ARHGEF37: variants seen among roughly 807,000 people sequenced by gnomAD.
The protein encoded by ARHGEF37 is Rho guanine nucleotide exchange factor (GEF) 37.
Under a neutral mutation model 71.1 loss-of-function variants are expected in ARHGEF37, and 55 were observed. The ratio of observed to expected loss-of-function variants is 0.77; its 90% confidence interval spans 0.62 to 0.97. The LOEUF is 0.97. ARHGEF37 is among the 50% of genes least tolerant of loss of function. ARHGEF37 has a pLI of 0.00. For missense variants in ARHGEF37, 765 were observed against 836.8 expected (o/e 0.91, Z 1.06); for synonymous variants, 327 against 350.6 (o/e 0.93, Z 0.75).
chr5:149,575,152 A>G (rs555765687), intron 1 of ARHGEF37, among the ~76,000 whole-genome samples: 6 of 152,328 alleles, frequency 3.9e-5, no homozygotes, highest in African/African-American at 1.4e-4. Flanking sequence ...AGATCATTCA[A>G]TCCACTTATA....
In ARHGEF37 at chr5:149,597,944, C is replaced by A; in HGVS notation, c.175C>A (p.Arg59Ser). Reference protein sequence around the residue: ...LQLCASDIRSRLQQLPQGDLD... With the variant: ...LQLCASDIRSSLQQLPQGDLD... ...GCTCTGTGCCTCTGACATCAGGAGC[C>A]GCCTCCAGCAGGTACTTGGGTGGGG... Residue 59 changes from arginine to serine, a missense_variant, in exon 2 of 13, where the codon CGC becomes AGC. Coordinates refer to ENST00000333677, the MANE Select transcript of ARHGEF37 (RefSeq NM_001001669.3). 6.3e-7 allele frequency: 1 copy of A among 1,591,032 alleles called. No homozygotes were observed.
Position 149,632,134 on chromosome 5 carries a change from T to C in ARHGEF37, c.1971T>C (p.Ser657=), listed in dbSNP as rs201024788. 18 of 1,614,268 alleles carry C rather than the reference T, an allele frequency of 1.1e-5. No homozygotes were observed. In the East Asian group the frequency reaches 3.8e-4, roughly 34 times the overall value. ...EVNGQRGYVP[S]GFLARARSPV... ...ATGGACAGAGGGGTTATGTGCCTTC[T>C]GGCTTCTTGGCCAGGGCTCGGAGCC... Residue 657 remains serine, a synonymous_variant, in exon 13 of 13, where the codon TCT becomes TCC. Transcript: ENST00000333677.
chr5:149,572,985 C>G (rs926709646), intron 1 of ARHGEF37, among the ~76,000 whole-genome samples: 1 of 152,110 alleles, frequency 6.6e-6, no homozygotes, highest in Admixed American at 6.5e-5. Flanking sequence ...AGGCGTGGCC[C>G]TGGCTTCTGG....
At chr5:149,594,917 A>G (rs1763503286) in intron 1 of ARHGEF37, among the ~76,000 whole-genome samples, 1 of 152,226 alleles carries the variant, frequency 6.6e-6, no homozygotes, top group African/African-American at 2.4e-5. Context: ...ATTGATACCC[A>G]CAATATACAT....
intron 3 of ARHGEF37, among the ~76,000 whole-genome samples, chr5:149,607,300 C>G (rs1016266078): frequency 2.0e-5 from 3 of 152,222 alleles, no homozygotes; most frequent in Admixed American, 6.5e-5. Context: ...TGCTGTTGCC[C>G]TTGTGGCCAG....
chr5:149,555,130 CAA>C (rs914879036), intron 1 of ARHGEF37, among the ~76,000 whole-genome samples: 18 of 55,946 alleles, frequency 3.2e-4, no homozygotes, highest in Admixed American at 1.4e-3. Flanking sequence ...GACTCTGTCT[CAA>C]AAAAAAAAAA....
Position 149,627,143 on chromosome 5 carries a change from A to G in ARHGEF37, c.1532A>G (p.Tyr511Cys), listed in dbSNP as rs1179642200. The G allele has an allele frequency of 1.9e-6, 3 of 1,614,144 alleles. No homozygotes were observed. Among genetic ancestry groups the G allele is most frequent in the Non-Finnish European group, 2.5e-6 (3 of 1,180,042 alleles). The change falls in exon 11 of 13, where the codon TAC becomes TGC. Residue 511 changes from tyrosine (Y) to cysteine (C), a missense_variant. By Grantham distance (194) the Tyr-to-Cys change is radical. This residue lies in a region of ARHGEF37 where 390 missense variants were observed against 407.4 expected (regional missense o/e 0.96). Coordinates refer to ENST00000333677, the MANE Select transcript of ARHGEF37 (RefSeq NM_001001669.3). Reference sequence around the variant, plus strand: ...AGCAGGTATGGCCCTGGGAAGCTGTACCAGGTGACAAGCAACATCAGTGGG... The same window carrying G: ...AGCAGGTATGGCCCTGGGAAGCTGTGCCAGGTGACAAGCAACATCAGTGGG... ...LLSRYGPGKL[Y>C]QVTSNISGTG... is the part of the protein sequence containing the mutation.
chr5:149,596,857 T>G (rs1223897638), intron 1 of ARHGEF37, among the ~76,000 whole-genome samples: 1 of 152,038 alleles, frequency 6.6e-6, no homozygotes, highest in Non-Finnish European at 1.5e-5. Flanking sequence ...GAGCCTGGAG[T>G]GCAGTCTGTG....
chr5:149,594,534 C>T (rs1763493650), intron 1 of ARHGEF37, among the ~76,000 whole-genome samples: 2 of 152,186 alleles, frequency 1.3e-5, no homozygotes, highest in African/African-American at 2.4e-5. Flanking sequence ...ACAATGGCTT[C>T]GGCCTAAGAC....
intron 1 of ARHGEF37, among the ~76,000 whole-genome samples, chr5:149,571,578 A>T (rs1200993434): frequency 6.6e-6 from 1 of 152,166 alleles, no homozygotes; most frequent in African/African-American, 2.4e-5. Context: ...TGATCCACAG[A>T]TTAAATTCAA....
intron 1 of ARHGEF37, among the ~76,000 whole-genome samples, chr5:149,588,816 G>C (rs117311236): frequency 6.6e-6 from 1 of 152,170 alleles, no homozygotes; most frequent in Non-Finnish European, 1.5e-5. Flanking sequence ...TGGGCAGCTA[G>C]CTGATGGATC....
upstream of ARHGEF37, among the ~76,000 whole-genome samples, chr5:149,579,053 A>G (rs1275091399): frequency 6.6e-6 from 1 of 152,200 alleles, no homozygotes; most frequent in South Asian, 2.1e-4. Context: ...TTGGGATCCT[A>G]TAATACAGCA....
chr5:149,613,204 A>C, intron 4 of ARHGEF37, among the ~76,000 whole-genome samples: 1 of 152,384 alleles, frequency 6.6e-6, no homozygotes, highest in African/African-American at 2.4e-5. Flanking sequence ...ATTGAACAAA[A>C]GGAAAGTTCC....
intron 1 of ARHGEF37, among the ~76,000 whole-genome samples, chr5:149,564,965 T>C (rs549346897): frequency 1.3e-5 from 2 of 152,360 alleles, no homozygotes; most frequent in East Asian, 3.9e-4. Context: ...GTAATTGTTA[T>C]TCTAGCCAGC....
At chr5:149,554,976 C>A (rs1762733549) in intron 1 of ARHGEF37, among the ~76,000 whole-genome samples, 1 of 151,930 alleles carries the variant, frequency 6.6e-6, no homozygotes, top group Non-Finnish European at 1.5e-5. Flanking sequence ...CTAAAAAGTA[C>A]AAAAATTAGC....
At position 149,590,282 on chromosome 5, in the gene ARHGEF37, C is replaced by CTT. The variant is rs201826189; in HGVS notation, c.-11-7461_-11-7460dup. On this transcript the variant is annotated intron_variant, in intron 1 of 12. Coordinates refer to ENST00000333677, the MANE Select transcript of ARHGEF37 (RefSeq NM_001001669.3). ...GAAGTATTAACTGCAGATCATTCAA[C>CTT]TTTTTTTTTTTTTTTTTGAGATGGA... Among the ~76,000 whole-genome samples the CTT allele has an allele frequency of 3.0e-3, 419 of 139,080 alleles. 2 individuals carry two copies. Among genetic ancestry groups the CTT allele is most frequent in the South Asian group, 5.7e-3 (25 of 4,396 alleles). 91.2% of individuals were successfully genotyped at this position (139,080 alleles called of 152,430 possible).
chr5:149,607,829 C>T (rs927610462), intron 3 of ARHGEF37, among the ~76,000 whole-genome samples: 2 of 146,058 alleles, frequency 1.4e-5, no homozygotes, highest in Non-Finnish European at 3.0e-5. Context: ...TGCAGTGGCA[C>T]GATCTCAGCT....
At chr5:149,617,941 A>G (rs1752422989) in intron 5 of ARHGEF37, among the ~76,000 whole-genome samples, 1 of 152,170 alleles carries the variant, frequency 6.6e-6, no homozygotes, top group South Asian at 2.1e-4. Flanking sequence ...AGATGAGGAA[A>G]CTGAGGCCCC....
At chr5:149,626,888 G>A (rs965734308) in intron 10 of ARHGEF37, 188 bp from the exon 11 acceptor site, 17 of 455,828 alleles carry the variant, frequency 3.7e-5, no homozygotes, top group Admixed American at 2.2e-4. Flanking sequence ...CTTCCAAAAC[G>A]CCGTAGGCTG....
Sources: allele counts gnomAD v4.1 joint callset (sites outside exome capture counted in the v4.1 genomes callset), GRCh38; gene constraint gnomAD v4.1.1; regional missense constraint gnomAD v4.1.1; transcripts MANE v1.5; gene names NCBI Gene and HGNC (gene_info 2026-07-23, HGNC 2026-07-21).